COL11A1: variants seen among roughly 807,000 people sequenced by gnomAD.
COL11A1 encodes collagen alpha-1(XI) chain.
A neutral mutation model predicts 265.2 loss-of-function variants in COL11A1; 74 were observed. The observed-to-expected ratio is 0.28, with a 90% confidence interval of 0.23 to 0.34. The LOEUF is 0.34. Ranked by LOEUF, COL11A1 falls within the 10% of genes least tolerant of loss-of-function variation. COL11A1 has a pLI of 1.00. For synonymous variants in COL11A1, 816 were observed against 727.6 expected (o/e 1.12, Z -1.96); for missense variants, 2,165 against 2,263.6 (o/e 0.96, Z 0.88).
intron 4 of COL11A1, among the ~76,000 whole-genome samples, chr1:103,051,770 C>T (rs1669852593): frequency 6.6e-6 from 1 of 152,140 alleles, no homozygotes; most frequent in African/African-American, 2.4e-5. Flanking sequence ...ATTCTTATTA[C>T]ACTTCTTTTA....
chr1:102,898,911 T>TATATTATGTATATATTATTTTTTTTTTAC (rs1652799784), intron 55 of COL11A1, 30 bp downstream of exon 55: 1 of 1,092,590 alleles, frequency 9.2e-7, no homozygotes, highest in African/African-American at 1.6e-5. Flanking sequence ...ATATATAATA[T>TATATTATGTATATATTATTTTTTTTTTAC]ATATTATGTA....
At chr1:103,008,591 G>T in intron 14 of COL11A1, 75 bp from the exon 15 acceptor site, 2 of 1,150,246 alleles carry the variant, frequency 1.7e-6, no homozygotes, top group Non-Finnish European at 2.6e-6. Context: ...AATTGCACCT[G>T]AAATAATTAA....
chr1:102,982,102 T>A (rs373813443), intron 31 of COL11A1, among the ~76,000 whole-genome samples: 1 of 151,938 alleles, frequency 6.6e-6, no homozygotes, highest in Admixed American at 6.6e-5. Flanking sequence ...ACTTTAAAGC[T>A]TTTTGATCAT....
chr1:102,995,788 T>A, intron 28 of COL11A1, 76 bp downstream of exon 28: 1 of 1,241,716 alleles, frequency 8.1e-7, no homozygotes, highest in Non-Finnish European at 1.2e-6. Flanking sequence ...ATTCAAGAAA[T>A]AAAATGTCTG....
intron 4 of COL11A1, among the ~76,000 whole-genome samples, chr1:103,057,261 A>T (rs1261326092): frequency 6.6e-6 from 1 of 152,184 alleles, no homozygotes; most frequent in Non-Finnish European, 1.5e-5. Flanking sequence ...TCAGAAAAAA[A>T]CACTTTATTT....
chr1:102,978,580 TAA>T, intron 35 of COL11A1, 126 bp downstream of exon 35: 1 of 1,026,106 alleles, frequency 9.7e-7, no homozygotes, highest in Non-Finnish European at 1.5e-6. Context: ...TAAGCGTTTT[TAA>T]ATTCAGACTA....
At chr1:103,000,681 A>G (rs1360412598) in intron 24 of COL11A1, among the ~76,000 whole-genome samples, 1 of 151,968 alleles carries the variant, frequency 6.6e-6, no homozygotes, top group African/African-American at 2.4e-5. Flanking sequence ...GGTACAATCG[A>G]TATGGAAAAG....
intron 4 of COL11A1, among the ~76,000 whole-genome samples, chr1:103,057,306 T>C (rs6664844): frequency 0.038 from 5,731 of 152,276 alleles, 373 homozygotes; most frequent in African/African-American, 0.13. Context: ...CTGTTCAAGT[T>C]TTATCATGAG....
At chr1:103,086,552 G>A (rs966989335) in intron 1 of COL11A1, among the ~76,000 whole-genome samples, 4 of 152,132 alleles carry the variant, frequency 2.6e-5, no homozygotes, top group African/African-American at 9.7e-5. Flanking sequence ...GAGTAGCTGG[G>A]ACTCCAGGCG....
chr1:102,965,447 A>C, intron 38 of COL11A1, 40 bp downstream of exon 38: 1 of 1,582,454 alleles, frequency 6.3e-7, no homozygotes, highest in Non-Finnish European at 8.7e-7. Flanking sequence ...ATGTAAACAA[A>C]AAATAAATCT....
Position 103,074,654 on chromosome 1 carries a change from A to C in COL11A1, c.615T>G (p.Val205=), listed in dbSNP as rs1244560607. 1 of 1,613,260 alleles carries C rather than the reference A, an allele frequency of 6.2e-7. No individual in the cohort carries two copies. Among genetic ancestry groups the C allele is most frequent in the African/African-American group, 1.3e-5 (1 of 74,992 alleles). The change falls in exon 4 of 67, where the codon GTT becomes GTG. Residue 205 remains valine (V), a synonymous_variant. Coordinates refer to ENST00000370096, the MANE Select transcript of COL11A1 (RefSeq NM_001854.4). ...CTTCATCCAAAATCCTTGTTCCAAA[A>C]ACCGTGATTCCATTGGTATCAACAA... The part of the protein sequence containing the change: ...RAIVDTNGIT[V]FGTRILDEEV...
rs141074922 is a variant in COL11A1, at chr1:102,978,519, A to T, written c.2754+189T>A. 4.1e-3 allele frequency among the ~76,000 whole-genome samples: 621 copies of T among 152,330 alleles called. 4 individuals carry two copies. The highest frequency in any genetic ancestry group is 7.1e-3 in the Non-Finnish European group (481 of 68,036). On this transcript the variant is annotated intron_variant, in intron 35 of 66. Transcript: ENST00000370096. ...TTCTCATTTCTATAACAAAATTAGT[A>T]GAACATATTGATTAAGCTTTTTTAT...
chr1:102,878,124 T>C lies in COL11A1; in HGVS notation c.5316A>G (p.Thr1772=). The C allele has an allele frequency of 6.2e-7, 1 of 1,613,274 alleles. No individual in the cohort carries two copies. The highest frequency in any genetic ancestry group is 8.5e-7 in the Non-Finnish European group (1 of 1,179,402). ...GYEKTVIEIN[T]PKIDQVPIVD... Reference sequence around the variant, plus strand: ...CAATAGGTACTTGATCAATTTTTGGTGTATTGATTTCAATGACAGTCTTTT... The same window carrying C: ...CAATAGGTACTTGATCAATTTTTGGCGTATTGATTTCAATGACAGTCTTTT... Residue 1772 remains threonine (T), a synonymous_variant, in exon 67 of 67, where the codon ACA becomes ACG. Transcript: ENST00000370096.
At position 102,940,508 on chromosome 1, in the gene COL11A1, A is replaced by G. The variant is rs1260094832; in HGVS notation, c.3277-74T>C. 3 of 1,059,284 alleles carry G rather than the reference A, an allele frequency of 2.8e-6. No individual in the cohort carries two copies. The African/African-American group carries it at 4.8e-5, about 17-fold the overall frequency. The allele number at this position is 1,059,284 out of a possible 1,614,324, so 65.6% of individuals were successfully genotyped here. ...CTACAAGAGTAATAATCTAGCTTCTATATTTGACAAGGATATTGTTTAATG... is the reference window on the plus strand; with the variant it reads ...CTACAAGAGTAATAATCTAGCTTCTGTATTTGACAAGGATATTGTTTAATG... On this transcript the variant is annotated intron_variant, in intron 42 of 66. Transcript: ENST00000370096.
chr1:103,084,708 AT>A (rs1672718252), intron 1 of COL11A1, among the ~76,000 whole-genome samples: 1 of 152,308 alleles, frequency 6.6e-6, no homozygotes, highest in African/African-American at 2.4e-5. Flanking sequence ...CAGTTCAAGT[AT>A]TATTTTAAAA....
At chr1:102,933,635 G>A (rs1657793069) in intron 46 of COL11A1, among the ~76,000 whole-genome samples, 3 of 152,174 alleles carry the variant, frequency 2.0e-5, no homozygotes. Flanking sequence ...GAGCTTCCTG[G>A]CTGCTTTGTT....
chr1:103,107,270 C>G (rs1432868450), intron 1 of COL11A1, among the ~76,000 whole-genome samples: 1 of 151,790 alleles, frequency 6.6e-6, no homozygotes, highest in African/African-American at 2.4e-5. Context: ...CCACCCTACC[C>G]ACACCCCCTC....
chr1:103,064,115 C>T (rs945477929), intron 4 of COL11A1, among the ~76,000 whole-genome samples: 2 of 152,060 alleles, frequency 1.3e-5, no homozygotes, highest in Admixed American at 6.6e-5. Flanking sequence ...TCCTTGCTGG[C>T]GGGAATCCAA....
chr1:103,039,085 T>C lies in COL11A1; in HGVS notation c.652-7841A>G, dbSNP rs571664051. ...CTCTTAAGTCTAAGAAGTAGAATAA[T>C]AACTAACAGTCATTTCTGGAGTAAG... On this transcript the variant is annotated intron_variant, in intron 4 of 66. Coordinates refer to ENST00000370096, the MANE Select transcript of COL11A1 (RefSeq NM_001854.4). Among the ~76,000 whole-genome samples the C allele has an allele frequency of 2.6e-5, 4 of 152,320 alleles. No individual in the cohort carries two copies. In the South Asian group the frequency reaches 8.3e-4, roughly 32 times the overall value.
Sources: gnomAD v4.1 joint callset for allele counts (sites outside exome capture counted in the v4.1 genomes callset) on GRCh38, gnomAD v4.1.1 for gene constraint, MANE v1.5 for transcripts, NCBI Gene and HGNC (gene_info 2026-07-23, HGNC 2026-07-21) for gene names.